Variants in CFAP221 observed in about 807,000 individuals in gnomAD.
CFAP221 encodes the protein cilia- and flagella-associated protein 221.
In CFAP221, 97 loss-of-function variants were observed where a neutral mutation model predicts 113.1. That is an observed-to-expected ratio of 0.86 (90% CI 0.73 to 1.02). The LOEUF (loss-of-function observed/expected upper bound fraction) is 1.02, where lower values mean the gene tolerates loss of function less well. Among genes scored for constraint, CFAP221 ranks in the 50% least tolerant of loss-of-function variants. The probability of loss-of-function intolerance (pLI) is 0.00; values close to 1 mark genes in which losing one functional copy is unlikely to be tolerated. For missense variants in CFAP221, 1,025 were observed against 1,013.4 expected, an observed-to-expected ratio of 1.01 and a Z score of -0.16; for synonymous variants, 331 against 354.4, an observed-to-expected ratio of 0.93 and a Z score of 0.74.
At chr2:119,647,897 A>G (rs112728881) in intron 22 of CFAP221, among the ~76,000 whole-genome samples, 546 of 152,324 alleles carry the variant, frequency 3.6e-3, no homozygotes, top group Non-Finnish European at 6.5e-3. Flanking sequence ...TTAGAAGATT[A>G]TAGAGCACCC....
At chr2:119,568,129 A>G (rs1327609704) in intron 6 of CFAP221, among the ~76,000 whole-genome samples, 1 of 152,216 alleles carries the variant, frequency 6.6e-6, no homozygotes. Context: ...TCACTTATAT[A>G]TAAGTATACA....
intron 2 of CFAP221, among the ~76,000 whole-genome samples, chr2:119,547,926 G>A (rs1415435504): frequency 6.6e-6 from 1 of 152,128 alleles, no homozygotes; most frequent in East Asian, 1.9e-4. Flanking sequence ...GCAGATTACT[G>A]GTTGGAATCA....
rs545326649 is a variant in CFAP221, at chr2:119,623,937, A to G, written c.1411-1646A>G. On this transcript the variant is annotated intron_variant, in intron 14 of 23. Coordinates refer to ENST00000413369, the MANE Select transcript of CFAP221 (RefSeq NM_001271049.2). ...AACCCTGGAAGAAAACCTAGGCAAT[A>G]CCATTCAGGACCTAGGCACAGGCAA... Among the ~76,000 whole-genome samples the G allele has an allele frequency of 3.1e-4, 47 of 152,316 alleles. 1 individual carries two copies. Among genetic ancestry groups the G allele is most frequent in the African/African-American group, 1.1e-3 (45 of 41,568 alleles).
chr2:119,605,806 G>A (rs931794235), intron 11 of CFAP221, among the ~76,000 whole-genome samples: 7 of 152,092 alleles, frequency 4.6e-5, no homozygotes, highest in Non-Finnish European at 1.5e-5. Flanking sequence ...ATATGCATGT[G>A]TACAGATTTA....
chr2:119,547,366 C>G (rs1289154219), intron 2 of CFAP221, among the ~76,000 whole-genome samples: 1 of 152,070 alleles, frequency 6.6e-6, no homozygotes, highest in East Asian at 1.9e-4. Context: ...TTGAGACCAG[C>G]CTGAACAACA....
At chr2:119,600,011 G>C (rs1002187114) in intron 7 of CFAP221, among the ~76,000 whole-genome samples, 1 of 152,108 alleles carries the variant, frequency 6.6e-6, no homozygotes, top group African/African-American at 2.4e-5. Context: ...GGGCATGTTT[G>C]GGGGGACTGT....
intron 7 of CFAP221, among the ~76,000 whole-genome samples, chr2:119,598,501 C>T (rs1182971954): frequency 1.3e-5 from 2 of 152,234 alleles, no homozygotes. Flanking sequence ...CACCACCCTC[C>T]ATGTCCTGTG....
At chr2:119,613,344 G>T (rs373847242) in intron 13 of CFAP221, among the ~76,000 whole-genome samples, 1 of 152,368 alleles carries the variant, frequency 6.6e-6, no homozygotes, top group African/African-American at 2.4e-5. Context: ...TGGGGATTCC[G>T]TGTGGGGGCT....
Position 119,656,417 on chromosome 2 carries a change from G to A in CFAP221, c.2470G>A (p.Glu824Lys). 2 of 1,614,062 alleles carry A rather than the reference G, an allele frequency of 1.2e-6. No individual in the cohort carries two copies. The highest frequency in any genetic ancestry group is 1.7e-6 in the Non-Finnish European group (2 of 1,179,988). ...GAAGGCCGGAGAGAAGCTGCTCGAG[G>A]AGATGAGGAACCTGCGGGGCAAAGC... ...AEKAGEKLLE[E>K]MRNLRGKALN... The change falls in exon 24 of 24, where the codon GAG becomes AAG. Residue 824 changes from glutamate to lysine, a missense_variant. Coordinates refer to ENST00000413369, the MANE Select transcript of CFAP221 (RefSeq NM_001271049.2).
intron 12 of CFAP221, among the ~76,000 whole-genome samples, chr2:119,610,597 G>A (rs1362680003): frequency 1.3e-5 from 2 of 151,972 alleles, no homozygotes; most frequent in Non-Finnish European, 2.9e-5. Context: ...GTCTCCCCAC[G>A]AAATCTGTAC....
In CFAP221 at chr2:119,587,128, T is replaced by C. The variant is rs542768514; in HGVS notation, c.537T>C (p.Tyr179=). ...TTTGTTTGTTTTGCAGCAAAACTTA[T>C]GTTATTCCTTTGCAGTGCAGCTGCC... ...SNVLLGESKT[Y]VIPLQCSCPV... is the part of the protein sequence containing the mutation. The change falls in exon 7 of 24, where the codon TAT becomes TAC. Residue 179 remains tyrosine (Y), a synonymous_variant. Coordinates refer to ENST00000413369, the MANE Select transcript of CFAP221 (RefSeq NM_001271049.2). 1.2e-4 allele frequency: 179 copies of C among 1,516,648 alleles called. 1 individual carries two copies. In the East Asian group the frequency reaches 3.9e-3, roughly 33 times the overall value. The allele number at this position is 1,516,648 out of a possible 1,614,324, so 93.9% of individuals were successfully genotyped here.
At position 119,544,488 on chromosome 2, in the gene CFAP221, C is replaced by T. The variant is rs933978630; in HGVS notation, c.-70C>T. The T allele has an allele frequency of 1.3e-5, 2 of 151,930 alleles. No individual in the cohort carries two copies. Among genetic ancestry groups the T allele is most frequent in the East Asian group, 1.9e-4 (1 of 5,160 alleles). The allele number at this position is 151,930 out of a possible 1,614,324, so 9.4% of individuals were successfully genotyped here. A position where few individuals can be genotyped will look rare whatever the true frequency, so the allele number is the denominator to read the frequency against. On this transcript the variant is annotated 5_prime_UTR_variant, in exon 1 of 24. Transcript: ENST00000413369. ...GCGCCGGCGCTGGCGCCGGCCGAAT[C>T]CGGCCCGGGAACCACCTCCAGGGTG...
At chr2:119,569,030 C>T (rs1292650506) in intron 6 of CFAP221, among the ~76,000 whole-genome samples, 2 of 152,012 alleles carry the variant, frequency 1.3e-5, no homozygotes, top group Non-Finnish European at 2.9e-5. Context: ...TCACTCCACT[C>T]TCTTCTTGCT....
At chr2:119,621,278 A>G (rs539623631) in intron 14 of CFAP221, among the ~76,000 whole-genome samples, 120 of 152,238 alleles carry the variant, frequency 7.9e-4, no homozygotes, top group Non-Finnish European at 1.3e-3. Flanking sequence ...AACAGACTTT[A>G]AACCGACAAA....
At chr2:119,580,833 T>A (rs1020783915) in intron 6 of CFAP221, 1 of 152,250 alleles carries the variant, frequency 6.6e-6, no homozygotes, top group Admixed American at 6.5e-5. Flanking sequence ...AGACTGCAAG[T>A]GTCTCACTGA....
intron 6 of CFAP221, among the ~76,000 whole-genome samples, chr2:119,585,546 A>G (rs561664639): frequency 6.6e-6 from 1 of 152,354 alleles, no homozygotes; most frequent in East Asian, 1.9e-4. Flanking sequence ...ACCCAAAGCA[A>G]AAGATTTGTT....
rs1199595376 is a variant in CFAP221, at chr2:119,556,556, C to CT, written c.241-3119dup. 8.0e-3 allele frequency among the ~76,000 whole-genome samples: 1,114 copies of CT among 138,462 alleles called. 14 individuals carry two copies. Among genetic ancestry groups the CT allele is most frequent in the African/African-American group, 0.023 (866 of 37,868 alleles). 90.8% of individuals were successfully genotyped at this position (138,462 alleles called of 152,430 possible). A position where few individuals can be genotyped will look rare whatever the true frequency, so the allele number is the denominator to read the frequency against. On this transcript the variant is annotated intron_variant, in intron 3 of 23. Transcript: ENST00000413369. The stretch of plus-strand genomic sequence containing the variant: ...ATTTTCTTATTGCTAAATTTTTTTT[C>CT]TTTTTTTTTTTTTTGAGACAGAGTT...
chr2:119,554,078 CCT>C (rs1205241542), intron 3 of CFAP221, among the ~76,000 whole-genome samples: 3 of 152,204 alleles, frequency 2.0e-5, no homozygotes, highest in African/African-American at 4.8e-5. Flanking sequence ...GAGCCAGCCC[CCT>C]GTTTCCACGG....
At chr2:119,576,700 T>C (rs1040730059) in intron 6 of CFAP221, among the ~76,000 whole-genome samples, 2 of 152,208 alleles carry the variant, frequency 1.3e-5, no homozygotes, top group Non-Finnish European at 2.9e-5. Context: ...ATTGTGTCTT[T>C]GAAAACAAGA....
Sources: allele counts gnomAD v4.1 joint callset (sites outside exome capture counted in the v4.1 genomes callset), GRCh38; gene constraint gnomAD v4.1.1; transcripts MANE v1.5; gene names NCBI Gene and HGNC (gene_info 2026-07-23, HGNC 2026-07-21).